The following TTLL5 variants were observed in gnomAD, a reference collection of about 807,000 sequenced individuals.
TTLL5 encodes the protein tubulin polyglutamylase TTLL5.
TTLL5 carries 132 observed loss-of-function variants against 168.4 expected under a neutral mutation model. The ratio of observed to expected loss-of-function variants is 0.78; its 90% CI spans 0.68 to 0.91. The LOEUF (loss-of-function observed/expected upper bound fraction) is 0.91. TTLL5 is among the 40% of genes least tolerant of loss of function. The probability of loss-of-function intolerance (pLI) is 0.00; values close to 1 mark genes in which losing one functional copy is unlikely to be tolerated. For synonymous variants in TTLL5, 546 were observed against 558.6 expected (o/e 0.98, Z 0.32); for missense variants, 1,545 against 1,581.5 (o/e 0.98, Z 0.39).
intron 28 of TTLL5, among the ~76,000 whole-genome samples, chr14:75,849,493 T>C (rs1415474639): frequency 6.6e-6 from 1 of 152,118 alleles, no homozygotes; most frequent in Admixed American, 6.6e-5. Flanking sequence ...AAGGAAGAGA[T>C]AGAAATAAGT....
At chr14:75,739,300 G>A (rs1889102919) in intron 15 of TTLL5, among the ~76,000 whole-genome samples, 1 of 151,972 alleles carries the variant, frequency 6.6e-6, no homozygotes, top group Non-Finnish European at 1.5e-5. Flanking sequence ...CTTTATACAT[G>A]TTGAATTCTT....
chr14:75,661,685 G>T (rs1005059769), intron 1 of TTLL5: 4 of 152,286 alleles, frequency 2.6e-5, no homozygotes, highest in African/African-American at 9.6e-5. Context: ...TCCCCGCTCT[G>T]CAGGCAGCCT....
intron 29 of TTLL5, among the ~76,000 whole-genome samples, chr14:75,865,653 T>G (rs1482381379): frequency 6.6e-6 from 1 of 152,174 alleles, no homozygotes; most frequent in Non-Finnish European, 1.5e-5. Context: ...ATTTTCACTT[T>G]TAGAAACTGC....
intron 26 of TTLL5, among the ~76,000 whole-genome samples, chr14:75,791,161 A>T (rs1422704273): frequency 6.6e-6 from 1 of 151,560 alleles, no homozygotes; most frequent in Non-Finnish European, 1.5e-5. Flanking sequence ...TTGAAAATTT[A>T]CATACTTTGT....
intron 20 of TTLL5, among the ~76,000 whole-genome samples, chr14:75,768,801 G>A (rs1339470665): frequency 6.6e-6 from 1 of 150,430 alleles, no homozygotes; most frequent in African/African-American, 2.4e-5. Context: ...GGAGTAGCAG[G>A]GGATAGAGTT....
chr14:75,902,382 C>T, intron 31 of TTLL5, 158 bp downstream of exon 31: 1 of 791,250 alleles, frequency 1.3e-6, no homozygotes, highest in Non-Finnish European at 2.1e-6. Context: ...TTGCATTCTT[C>T]TTTAAAATAG....
chr14:75,922,598 A>G (rs2033865817), intron 31 of TTLL5, among the ~76,000 whole-genome samples: 1 of 152,184 alleles, frequency 6.6e-6, no homozygotes, highest in South Asian at 2.1e-4. Flanking sequence ...CATGGTGGAT[A>G]AGCTTTTTGA....
intron 29 of TTLL5, among the ~76,000 whole-genome samples, chr14:75,864,342 C>G (rs2030323820): frequency 6.6e-6 from 1 of 152,180 alleles, no homozygotes; most frequent in African/African-American, 2.4e-5. Context: ...GGGAAATGGA[C>G]ATATGTTAGC....
At chr14:75,777,812 G>T (rs1034692528) in intron 23 of TTLL5, among the ~76,000 whole-genome samples, 1 of 152,020 alleles carries the variant, frequency 6.6e-6, no homozygotes, top group Non-Finnish European at 1.5e-5. Flanking sequence ...ACCCTTTTCA[G>T]ACCTCACTAT....
chr14:75,685,654 A>G lies in TTLL5; in HGVS notation c.371+1998A>G, dbSNP rs374560981. Among the ~76,000 whole-genome samples the G allele has an allele frequency of 6.2e-4, 95 of 152,294 alleles. No individual in the cohort carries two copies. The South Asian group carries it at 0.019, about 31-fold the overall frequency. On this transcript the variant is annotated intron_variant, in intron 5 of 31. Coordinates refer to ENST00000298832, the MANE Select transcript of TTLL5 (RefSeq NM_015072.5). ...CCTAATGATAAGAATTACCTAGGGT[A>G]CTTTTGCAAAATATGCATTCTCAGG...
chr14:75,918,522 AT>A (rs1057409774), intron 31 of TTLL5, among the ~76,000 whole-genome samples: 4 of 152,026 alleles, frequency 2.6e-5, no homozygotes, highest in Non-Finnish European at 5.9e-5. Context: ...GGGGGTCCCT[AT>A]TACCTTTCAG....
intron 30 of TTLL5, among the ~76,000 whole-genome samples, chr14:75,885,361 G>A (rs1382542112): frequency 3.3e-5 from 5 of 151,726 alleles, no homozygotes; most frequent in Admixed American, 3.3e-4. Context: ...GCATGATGGT[G>A]GGCGCCTGTA....
At chr14:75,946,457 G>T (rs1218411925) in intron 31 of TTLL5, among the ~76,000 whole-genome samples, 1 of 152,202 alleles carries the variant, frequency 6.6e-6, no homozygotes, top group Non-Finnish European at 1.5e-5. Flanking sequence ...CATGGAAGAG[G>T]TAGAACAAAT....
intron 28 of TTLL5, among the ~76,000 whole-genome samples, chr14:75,858,776 A>T (rs532823478): frequency 6.6e-6 from 1 of 152,232 alleles, no homozygotes; most frequent in Non-Finnish European, 1.5e-5. Flanking sequence ...AGTGCCATTG[A>T]AGTGAATAGA....
intron 18 of TTLL5, among the ~76,000 whole-genome samples, chr14:75,757,662 T>A (rs1890363781): frequency 6.6e-6 from 1 of 152,236 alleles, no homozygotes; most frequent in East Asian, 1.9e-4. Context: ...TACTCTTTTA[T>A]GAGAATGTTC....
chr14:75,717,784 T>C, intron 9 of TTLL5, 77 bp from the exon 10 acceptor site: 1 of 1,354,466 alleles, frequency 7.4e-7, no homozygotes. Context: ...TTTATTATTA[T>C]CTCATTGATC....
At chr14:75,816,974 A>ATTTTTTTTTTTTTTTTTTT (rs35736530) in intron 27 of TTLL5, among the ~76,000 whole-genome samples, 3 of 96,084 alleles carry the variant, frequency 3.1e-5, no homozygotes, top group Non-Finnish European at 5.7e-5. Context: ...TCCCTGTCTT[A>ATTTTTTTTTTTTTTTTTTT]TTTTTTTTTT....
chr14:75,703,535 A>G (rs1290193557), intron 7 of TTLL5, among the ~76,000 whole-genome samples: 5 of 152,368 alleles, frequency 3.3e-5, no homozygotes, highest in East Asian at 1.9e-4. Flanking sequence ...ACTAAATGCC[A>G]TATTTTCCCA....
At chr14:75,820,351 C>G (rs779805380) in intron 28 of TTLL5, among the ~76,000 whole-genome samples, 190 bp downstream of exon 28, 14 of 152,154 alleles carry the variant, frequency 9.2e-5, no homozygotes, top group Non-Finnish European at 1.8e-4. Context: ...TCAAGCATAT[C>G]AAATGAAAAG....
Sources: gnomAD v4.1 joint callset for allele counts (sites outside exome capture counted in the v4.1 genomes callset) on GRCh38, gnomAD v4.1.1 for gene constraint, MANE v1.5 for transcripts, NCBI Gene and HGNC (gene_info 2026-07-23, HGNC 2026-07-21) for gene names.